Variants in AKR1C8 observed in about 807,000 individuals in gnomAD.
AKR1C8 encodes the protein aldo-keto reductase family 1 member C8, also known as aldo-keto reductase family 1 member C-like protein 1.
chr10:5,178,176 T>G, the AKR1C8 span, among the ~76,000 whole-genome samples: 270 of 152,342 alleles, frequency 1.8e-3, 1 homozygote, highest in Non-Finnish European at 1.3e-3. Context: ...TCTGGTATGT[T>G]GTGTCTTTGT....
chr10:5,165,604 C>T, the AKR1C8 span, among the ~76,000 whole-genome samples: 2 of 152,148 alleles, frequency 1.3e-5, no homozygotes, highest in Non-Finnish European at 2.9e-5. Context: ...GGAGGACAGC[C>T]ATTCAATCCT....
the AKR1C8 span, among the ~76,000 whole-genome samples, chr10:5,125,610 G>A: frequency 6.6e-6 from 1 of 152,156 alleles, no homozygotes; most frequent in East Asian, 1.9e-4. Flanking sequence ...TGTAATCTCA[G>A]CTGTCCCTGT....
At chr10:5,119,852 G>A in the AKR1C8 span, among the ~76,000 whole-genome samples, 98 of 152,252 alleles carry the variant, frequency 6.4e-4, no homozygotes, top group Middle Eastern at 3.4e-3. Context: ...CCCACTCTGC[G>A]AATGCAAGTG....
chr10:5,149,400 T>C, the AKR1C8 span, among the ~76,000 whole-genome samples: 1 of 152,154 alleles, frequency 6.6e-6, no homozygotes, highest in African/African-American at 2.4e-5. Context: ...TATTGTTCAA[T>C]AGGCTCTTTA....
chr10:5,142,771 C>T, the AKR1C8 span, among the ~76,000 whole-genome samples: 6 of 152,060 alleles, frequency 3.9e-5, no homozygotes, highest in South Asian at 1.2e-3. Flanking sequence ...ATTACCATAA[C>T]AGATATAATA....
At chr10:5,170,131 C>T in the AKR1C8 span, among the ~76,000 whole-genome samples, 1 of 152,018 alleles carries the variant, frequency 6.6e-6, no homozygotes, top group Non-Finnish European at 1.5e-5. Context: ...AAGAGATTTC[C>T]TCCTGTGATG....
At chr10:5,178,154 T>C in the AKR1C8 span, among the ~76,000 whole-genome samples, 2 of 152,210 alleles carry the variant, frequency 1.3e-5, no homozygotes, top group South Asian at 2.1e-4. Context: ...GCTTTGAATG[T>C]GTCCCAGAGA....
At chr10:5,153,907 A>G in the AKR1C8 span, among the ~76,000 whole-genome samples, 1 of 152,214 alleles carries the variant, frequency 6.6e-6, no homozygotes, top group African/African-American at 2.4e-5. Context: ...TTCTGTAAGG[A>G]AAGAATTACA....
At chr10:5,180,168 CTTTT>C in the AKR1C8 span, among the ~76,000 whole-genome samples, 1 of 152,164 alleles carries the variant, frequency 6.6e-6, no homozygotes, top group Admixed American at 6.5e-5. Context: ...GATGTCCTTT[CTTTT>C]TGTTAGTTTT....
At chr10:5,127,648 G>A in the AKR1C8 span, among the ~76,000 whole-genome samples, 5 of 148,706 alleles carry the variant, frequency 3.4e-5, no homozygotes, top group African/African-American at 1.2e-4. Context: ...TAACCTGGGA[G>A]GAGGAGGTTG....
At chr10:5,120,840 T>C in the AKR1C8 span, among the ~76,000 whole-genome samples, 1 of 152,296 alleles carries the variant, frequency 6.6e-6, no homozygotes, top group South Asian at 2.1e-4. Context: ...TTTTATTTTA[T>C]TTTAGTTTTT....
At chr10:5,123,826 G>A in the AKR1C8 span, 16 of 1,606,900 alleles carry the variant, frequency 1.0e-5, no homozygotes, top group Non-Finnish European at 1.4e-5. Context: ...TCCACCTGCA[G>A]ATGACAAAGA....
the AKR1C8 span, among the ~76,000 whole-genome samples, chr10:5,150,260 G>A: frequency 6.6e-6 from 1 of 152,038 alleles, no homozygotes; most frequent in African/African-American, 2.4e-5. Context: ...GTGATTATAA[G>A]TTGCTTTTTG....
chr10:5,152,895 A>G, the AKR1C8 span, among the ~76,000 whole-genome samples: 2 of 151,896 alleles, frequency 1.3e-5, no homozygotes, highest in African/African-American at 4.8e-5. Flanking sequence ...GTATTACTGG[A>G]CAGTAAACAT....
chr10:5,135,960 A>C, the AKR1C8 span, among the ~76,000 whole-genome samples: 4 of 152,166 alleles, frequency 2.6e-5, no homozygotes, highest in Non-Finnish European at 5.9e-5. Context: ...GGTTCAAAGG[A>C]AAAAGAAAAT....
chr10:5,165,790 A>G, the AKR1C8 span, among the ~76,000 whole-genome samples: 1 of 152,156 alleles, frequency 6.6e-6, no homozygotes, highest in East Asian at 1.9e-4. Context: ...AAAGGGTCTT[A>G]CCCAAATCTG....
chr10:5,136,865 C>A, the AKR1C8 span, among the ~76,000 whole-genome samples: 59,490 of 151,854 alleles, frequency 0.39, 12,455 homozygotes, highest in Non-Finnish European at 0.43. Flanking sequence ...GACGAAATAA[C>A]ATTTAGTCAA....
chr10:5,156,261 A>G, the AKR1C8 span, among the ~76,000 whole-genome samples: 1 of 152,142 alleles, frequency 6.6e-6, no homozygotes. Flanking sequence ...TGCTCACCTC[A>G]GGACCCCTAA....
the AKR1C8 span, chr10:5,162,110 T>C: frequency 5.2e-6 from 2 of 384,210 alleles, no homozygotes; most frequent in African/African-American, 4.2e-5. Context: ...ACTAAACATA[T>C]GTTACTCAGT....
Sources: gnomAD v4.1 joint callset for allele counts (sites outside exome capture counted in the v4.1 genomes callset) on GRCh38, gnomAD v4.1.1 for gene constraint, MANE v1.5 for transcripts, NCBI Gene and HGNC (gene_info 2026-07-23, HGNC 2026-07-21) for gene names.